Variants in DLGAP2 observed in about 807,000 individuals in gnomAD.
DLGAP2 encodes the protein DLG associated protein 2, also known as disks large-associated protein 2.
A neutral mutation model predicts 100.3 loss-of-function variants in DLGAP2; 26 were observed. That is an observed-to-expected ratio of 0.26 (90% CI 0.19 to 0.36). The LOEUF (loss-of-function observed/expected upper bound fraction) is 0.36, where lower values mean the gene tolerates loss of function less well. Among genes scored for constraint, DLGAP2 ranks in the 10% least tolerant of loss-of-function variants. The probability of loss-of-function intolerance (pLI) is 1.00; values close to 1 mark genes in which losing one functional copy is unlikely to be tolerated. For synonymous variants in DLGAP2, 886 were observed against 630.1 expected (o/e 1.41, Z -6.08); for missense variants, 1,858 against 1,453.2 (o/e 1.28, Z -4.53).
chr8:933,239 C>G (rs1006754822), intron 2 of DLGAP2, among the ~76,000 whole-genome samples: 17 of 152,238 alleles, frequency 1.1e-4, no homozygotes, highest in African/African-American at 4.1e-4. Context: ...CTTCCTTGAC[C>G]CCTGATCATT....
intron 3 of DLGAP2, among the ~76,000 whole-genome samples, chr8:1,338,569 C>T (rs1428009315): frequency 1.3e-5 from 2 of 152,170 alleles, no homozygotes; most frequent in Non-Finnish European, 2.9e-5. Context: ...GATTCTTGCA[C>T]ACCTTTGTGA....
At chr8:950,593 AT>A (rs1799453405) in intron 2 of DLGAP2, among the ~76,000 whole-genome samples, 2 of 150,930 alleles carry the variant, frequency 1.3e-5, no homozygotes, top group African/African-American at 4.9e-5. Context: ...TTGTAGAAAA[AT>A]TTGTAGAATA....
At chr8:836,065 G>A (rs907536997) in intron 1 of DLGAP2, among the ~76,000 whole-genome samples, 1 of 152,196 alleles carries the variant, frequency 6.6e-6, no homozygotes, top group African/African-American at 2.4e-5. Context: ...GAGATGTAAA[G>A]GACACCCGCA....
At chr8:1,582,817 C>G (rs1328894591) in intron 6 of DLGAP2, among the ~76,000 whole-genome samples, 1 of 152,164 alleles carries the variant, frequency 6.6e-6, no homozygotes, top group Non-Finnish European at 1.5e-5. Context: ...AGACTGGTCT[C>G]AAACTCCTGA....
chr8:1,641,754 G>C (rs1387375751), intron 8 of DLGAP2, among the ~76,000 whole-genome samples: 1 of 152,152 alleles, frequency 6.6e-6, no homozygotes, highest in Non-Finnish European at 1.5e-5. Flanking sequence ...ACCCAGAAAA[G>C]TAATGGCTGA....
At position 1,296,524 on chromosome 8, in the gene DLGAP2, G is replaced by A. The variant is rs189369152; in HGVS notation, c.106+37641G>A. On this transcript the variant is annotated intron_variant, in intron 3 of 14. Coordinates refer to ENST00000637795, the MANE Select transcript of DLGAP2 (RefSeq NM_001346810.2). ...CTTGGTGCTCGTGCTGATCTTTGTC[G>A]CTGCCTATCTTGCAGAGTGTGCGTT... 2.7e-3 allele frequency among the ~76,000 whole-genome samples: 385 copies of A among 144,928 alleles called. 1 individual carries two copies. The highest frequency in any genetic ancestry group is 9.2e-3 in the African/African-American group (372 of 40,462).
At chr8:1,653,505 C>T (rs1259169525) in intron 8 of DLGAP2, among the ~76,000 whole-genome samples, 2 of 152,226 alleles carry the variant, frequency 1.3e-5, no homozygotes, top group African/African-American at 4.8e-5. Flanking sequence ...CTTACTGATC[C>T]ACATAGGCTC....
At chr8:1,480,069 A>C (rs1286180393) in intron 3 of DLGAP2, among the ~76,000 whole-genome samples, 1 of 152,174 alleles carries the variant, frequency 6.6e-6, no homozygotes, top group Non-Finnish European at 1.5e-5. Context: ...CACGGATGCC[A>C]AGGGTTGGCA....
Position 1,596,998 on chromosome 8 carries a change from G to A in DLGAP2, c.1443-29742G>A, listed in dbSNP as rs185733699. On this transcript the variant is annotated intron_variant, in intron 6 of 14. Transcript: ENST00000637795. ...TCTTCTAGGCTTTTTATGGTTTTAG[G>A]TCTTATGTTTAAGTCTTTTATCCAT... Among the ~76,000 whole-genome samples the A allele has an allele frequency of 7.9e-5, 12 of 152,184 alleles. No homozygotes were observed. In the East Asian group the frequency reaches 1.7e-3, roughly 22 times the overall value.
rs190844143 is a variant in DLGAP2, at chr8:1,277,904, A to G, written c.106+19021A>G. On this transcript the variant is annotated intron_variant, in intron 3 of 14. Transcript: ENST00000637795. ...GTCCGTGACAATGCTGACAGCGGAA[A>G]CGTTATCTTGAATCTCTGGTAATTT... Among the ~76,000 whole-genome samples the G allele has an allele frequency of 3.0e-4, 45 of 152,324 alleles. No homozygotes were observed. The East Asian group carries it at 5.4e-3, about 18-fold the overall frequency.
At chr8:970,657 G>A (rs1000021293) in intron 2 of DLGAP2, among the ~76,000 whole-genome samples, 5 of 152,182 alleles carry the variant, frequency 3.3e-5, no homozygotes, top group Non-Finnish European at 7.4e-5. Context: ...TGAGAAATGG[G>A]AACATGTGTG....
At chr8:1,503,622 T>C (rs1490659313) in intron 4 of DLGAP2, among the ~76,000 whole-genome samples, 1 of 152,064 alleles carries the variant, frequency 6.6e-6, no homozygotes, top group African/African-American at 2.4e-5. Context: ...TTCATTTGGG[T>C]AAATGTCCAG....
chr8:1,602,569 A>C (rs1350719666), intron 6 of DLGAP2, among the ~76,000 whole-genome samples: 2 of 152,202 alleles, frequency 1.3e-5, no homozygotes, highest in East Asian at 1.9e-4. Flanking sequence ...GCCCACCTGC[A>C]CTGGCTTCAT....
chr8:1,097,942 C>T (rs1804442086), intron 2 of DLGAP2, among the ~76,000 whole-genome samples: 1 of 151,408 alleles, frequency 6.6e-6, no homozygotes, highest in Non-Finnish European at 1.5e-5. Context: ...CAGGCTTTTG[C>T]ACCATGTTGA....
intron 1 of DLGAP2, chr8:738,994 A>ACGCCGC (rs142461927): frequency 0.3 from 47,430 of 155,626 alleles, 7,607 homozygotes; most frequent in East Asian, 0.44. Flanking sequence ...CCCCTGCGCG[A>ACGCCGC]CGCCGCCGCC....
At chr8:844,107 T>G (rs1159379033) in intron 1 of DLGAP2, among the ~76,000 whole-genome samples, 1 of 152,256 alleles carries the variant, frequency 6.6e-6, no homozygotes, top group African/African-American at 2.4e-5. Context: ...TTTTGTTTAC[T>G]TTGTGGTTCA....
chr8:1,310,227 C>G (rs535239913), intron 3 of DLGAP2, among the ~76,000 whole-genome samples: 2 of 151,632 alleles, frequency 1.3e-5, no homozygotes, highest in African/African-American at 4.8e-5. Context: ...CAGTTAACTC[C>G]AAAAAAATCC....
At chr8:888,865 G>A (rs1388594306) in intron 1 of DLGAP2, among the ~76,000 whole-genome samples, 1 of 152,140 alleles carries the variant, frequency 6.6e-6, no homozygotes, top group East Asian at 1.9e-4. Context: ...TGGGTTGCAC[G>A]AGGAGCAGGT....
intron 6 of DLGAP2, among the ~76,000 whole-genome samples, chr8:1,611,302 CA>C (rs1209110513): frequency 5.2e-5 from 3 of 57,552 alleles, no homozygotes; most frequent in Non-Finnish European, 8.7e-5. Flanking sequence ...ATGATTATCT[CA>C]ATAGATGCAG....
Sources: allele counts gnomAD v4.1 joint callset (sites outside exome capture counted in the v4.1 genomes callset), GRCh38; gene constraint gnomAD v4.1.1; transcripts MANE v1.5; gene names NCBI Gene and HGNC (gene_info 2026-07-23, HGNC 2026-07-21).